Variants in SEMA6D observed in about 807,000 individuals in gnomAD.
The protein encoded by SEMA6D is semaphorin 6D.
SEMA6D carries 35 observed loss-of-function variants against 106.6 expected under a neutral mutation model. The observed-to-expected ratio is 0.33, with a 90% CI of 0.25 to 0.44. SEMA6D has a LOEUF of 0.44. SEMA6D is among the 20% of genes least tolerant of loss of function. The pLI, the probability that SEMA6D is intolerant of heterozygous loss-of-function variation, is 1.00. For synonymous variants in SEMA6D, 499 were observed against 487.7 expected (o/e 1.02, Z -0.31); for missense variants, 1,185 against 1,345.9 (o/e 0.88, Z 1.87).
intron 1 of SEMA6D, among the ~76,000 whole-genome samples, chr15:47,720,682 A>G (rs1172067346): frequency 6.6e-6 from 1 of 152,230 alleles, no homozygotes; most frequent in African/African-American, 2.4e-5. Context: ...GCCTTGATTC[A>G]CAAAGATGGC....
rs536690702 is a variant in SEMA6D at position 47,570,325 on chromosome 15, C to T, written c.-86-30540C>T. Among the ~76,000 whole-genome samples, 35 of 152,162 alleles carry T rather than the reference C, an allele frequency of 2.3e-4. No individual in the cohort carries two copies. In the South Asian group the frequency reaches 3.7e-3, roughly 16 times the overall value. On this transcript the variant is annotated intron_variant, in intron 3 of 19. Coordinates refer to the SEMA6D transcript ENST00000558014. ...CCCTGCACTGCATGTAGGTGGCCCG[C>T]GGCCATTACTCACCTGGAAGAAGCT...
chr15:47,287,426 T>A (rs2035415243), intron 1 of SEMA6D, among the ~76,000 whole-genome samples: 1 of 152,112 alleles, frequency 6.6e-6, no homozygotes, highest in African/African-American at 2.4e-5. Context: ...AATGTCAGAG[T>A]CCTAGCTCAT....
chr15:47,211,882 C>G (rs976021446), intron 1 of SEMA6D, among the ~76,000 whole-genome samples: 2 of 151,822 alleles, frequency 1.3e-5, no homozygotes, highest in African/African-American at 4.8e-5. Flanking sequence ...TAATAATTAG[C>G]TCTCCTGAAG....
At chr15:47,259,496 G>T (rs2033965907) in intron 1 of SEMA6D, among the ~76,000 whole-genome samples, 1 of 151,456 alleles carries the variant, frequency 6.6e-6, no homozygotes, top group African/African-American at 2.4e-5. Flanking sequence ...GAAAAATGTG[G>T]TGCCACTTTC....
chr15:47,467,675 C>G (rs968531292), intron 2 of SEMA6D, among the ~76,000 whole-genome samples: 3 of 152,146 alleles, frequency 2.0e-5, no homozygotes, highest in Non-Finnish European at 4.4e-5. Flanking sequence ...TTTTACACAT[C>G]ATGGCATTTT....
rs764929520 is a variant in SEMA6D, at chr15:47,314,597, CAAA to C, written c.-238-97777_-238-97775del. 2.5e-4 allele frequency among the ~76,000 whole-genome samples: 6 copies of C among 24,304 alleles called. 1 individual carries two copies. The highest frequency in any genetic ancestry group is 2.0e-3 in the South Asian group (1 of 506). The allele number at this position is 24,304 out of a possible 152,430, so 15.9% of individuals were successfully genotyped here. A position where few individuals can be genotyped will look rare whatever the true frequency, so the allele number is the denominator to read the frequency against. On this transcript the variant is annotated intron_variant, in intron 1 of 19. Transcript: ENST00000558014. Reference sequence around the variant, plus strand: ...TGGGCGACAGAGCGAGACTCCATCTCAAAAAAAAAAAAAAAAAAAAAGAATTCT... The same window carrying C: ...TGGGCGACAGAGCGAGACTCCATCTCAAAAAAAAAAAAAAAAAAGAATTCT...
At chr15:47,313,351 A>G (rs1039722306) in intron 1 of SEMA6D, among the ~76,000 whole-genome samples, 42 of 152,114 alleles carry the variant, frequency 2.8e-4, no homozygotes, top group African/African-American at 9.7e-4. Context: ...TCCAAATGTC[A>G]TATAGTAAGA....
intron 1 of SEMA6D, among the ~76,000 whole-genome samples, chr15:47,264,902 T>G (rs1246161109): frequency 6.6e-6 from 1 of 152,144 alleles, no homozygotes; most frequent in Non-Finnish European, 1.5e-5. Flanking sequence ...GGATTTAGTG[T>G]GATGTATTGC....
intron 3 of SEMA6D, among the ~76,000 whole-genome samples, chr15:47,579,964 A>G (rs1401617997): frequency 2.0e-5 from 3 of 152,222 alleles, no homozygotes; most frequent in Admixed American, 6.5e-5. Flanking sequence ...TAAAGGAAAG[A>G]GCATTCCTGA....
rs2082683402 is a variant in SEMA6D, at chr15:47,772,723, GTC to G, written c.*939_*940del. On this transcript the variant is annotated 3_prime_UTR_variant, in exon 19 of 19. Coordinates refer to ENST00000536845, the MANE Select transcript of SEMA6D (RefSeq NM_001358351.3). ...CAGTATTCAGTAGTAAAATTTTCCT[GTC>G]CACTGTGAATCAAAGCCTGAGTCAC... 6.6e-6 allele frequency: 1 copy of G among 151,920 alleles called. No homozygotes were observed. Among genetic ancestry groups the G allele is most frequent in the South Asian group, 2.1e-4 (1 of 4,802 alleles). 9.4% of individuals were successfully genotyped at this position (151,920 alleles called of 1,614,324 possible). A position where few individuals can be genotyped will look rare whatever the true frequency, so the allele number is the denominator to read the frequency against.
intron 1 of SEMA6D, among the ~76,000 whole-genome samples, chr15:47,289,094 T>C (rs1018787348): frequency 1.1e-4 from 16 of 152,090 alleles, no homozygotes; most frequent in African/African-American, 3.9e-4. Flanking sequence ...AGGCACCAAC[T>C]GATTATTGCA....
chr15:47,561,910 G>A (rs2046092812), intron 3 of SEMA6D, among the ~76,000 whole-genome samples: 1 of 151,680 alleles, frequency 6.6e-6, no homozygotes, highest in African/African-American at 2.4e-5. Flanking sequence ...GCTAAGTTAA[G>A]GTGCATATTT....
At chr15:47,696,664 G>A (rs1046483096) in intron 4 of SEMA6D, among the ~76,000 whole-genome samples, 1 of 152,128 alleles carries the variant, frequency 6.6e-6, no homozygotes, top group African/African-American at 2.4e-5. Flanking sequence ...CAGGGGCGTG[G>A]GGATTGTTAC....
chr15:47,357,016 G>T (rs979381614), intron 1 of SEMA6D, among the ~76,000 whole-genome samples: 1 of 152,116 alleles, frequency 6.6e-6, no homozygotes, highest in Non-Finnish European at 1.5e-5. Context: ...TTTGGATTGT[G>T]AACATGCATT....
intron 3 of SEMA6D, among the ~76,000 whole-genome samples, chr15:47,539,959 G>A (rs1210261246): frequency 6.6e-6 from 1 of 152,122 alleles, no homozygotes; most frequent in Admixed American, 6.6e-5. Flanking sequence ...CTCACAAAAT[G>A]CATTAGAATG....
intron 1 of SEMA6D, among the ~76,000 whole-genome samples, chr15:47,408,113 C>G (rs1040677918): frequency 5.9e-5 from 9 of 152,156 alleles, no homozygotes; most frequent in Admixed American, 5.2e-4. Flanking sequence ...CTCCTCCCAT[C>G]CTTGTGACCT....
chr15:47,751,804 T>C (rs1462269044), intron 1 of SEMA6D, among the ~76,000 whole-genome samples: 1 of 152,152 alleles, frequency 6.6e-6, no homozygotes, highest in Non-Finnish European at 1.5e-5. Flanking sequence ...TGATTTACAG[T>C]TGTCTTAGGA....
chr15:47,769,325 A>T (rs974775990), intron 18 of SEMA6D, among the ~76,000 whole-genome samples: 1 of 152,178 alleles, frequency 6.6e-6, no homozygotes, highest in Non-Finnish European at 1.5e-5. Context: ...AGGAAAAAAA[A>T]ATCTATTCTT....
At chr15:47,764,382 A>G (rs1438431735) in intron 11 of SEMA6D, 77 bp downstream of exon 11, 42 of 1,526,610 alleles carry the variant, frequency 2.8e-5, no homozygotes, top group Non-Finnish European at 1.8e-6. Flanking sequence ...CTCAGGGAGC[A>G]GCTTGGCCAA....
Sources: gnomAD v4.1 joint callset for allele counts (sites outside exome capture counted in the v4.1 genomes callset) on GRCh38, gnomAD v4.1.1 for gene constraint, MANE v1.5 for transcripts, NCBI Gene and HGNC (gene_info 2026-07-23, HGNC 2026-07-21) for gene names.